The following SUN3 variants were observed in gnomAD, a reference collection of about 807,000 sequenced individuals.
SUN3 encodes Sad1 and UNC84 domain containing 3.
In SUN3, 36 loss-of-function variants were observed where a neutral mutation model predicts 48.2. The ratio of observed to expected loss-of-function variants is 0.75; its 90% confidence interval spans 0.57 to 0.99. The LOEUF is 0.99. Ranked by LOEUF, SUN3 falls within the 50% of genes least tolerant of loss-of-function variation. The pLI is 0.00. For synonymous variants in SUN3, 148 were observed against 147.9 expected, an observed-to-expected ratio of 1.00 and a Z score of 0.00; for missense variants, 419 against 433.1, an observed-to-expected ratio of 0.97 and a Z score of 0.29.
chr7:47,999,247 C>G (rs957478944), intron 6 of SUN3, among the ~76,000 whole-genome samples: 1 of 152,040 alleles, frequency 6.6e-6, no homozygotes, highest in African/African-American at 2.4e-5. Context: ...ATGTTTTTTA[C>G]TGCATTTATG....
intron 2 of SUN3, among the ~76,000 whole-genome samples, chr7:48,022,776 C>T (rs1182157475): frequency 6.6e-6 from 1 of 151,916 alleles, no homozygotes; most frequent in Non-Finnish European, 1.5e-5. Flanking sequence ...AGAAAGAGAG[C>T]AATGCCTTGT....
rs989017529 is a variant in SUN3, at chr7:48,028,973, G to A, written c.-35C>T. 1.2e-6 allele frequency: 2 copies of A among 1,612,894 alleles called. No homozygotes were observed. The highest frequency in any genetic ancestry group is 2.7e-5 in the African/African-American group (2 of 74,896). On this transcript the variant is annotated 5_prime_UTR_variant, in exon 1 of 10. Transcript: ENST00000297325. ...CCAAAGAACAAACAGCTGGTAGGAT[G>A]AAGAGCAACATTTGTCCTCATTCCT... is the stretch of plus-strand genomic sequence containing the variant.
At chr7:48,009,333 T>C (rs1789618618) in intron 3 of SUN3, among the ~76,000 whole-genome samples, 1 of 152,116 alleles carries the variant, frequency 6.6e-6, no homozygotes, top group East Asian at 1.9e-4. Context: ...GATGGGCACA[T>C]CATTTCCTAT....
upstream of SUN3, chr7:48,029,217 C>T: frequency 2.6e-6 from 1 of 388,700 alleles, no homozygotes; most frequent in Non-Finnish European, 4.7e-6. Context: ...CCTAATTGTA[C>T]CATATGTCAC....
intron 2 of SUN3, among the ~76,000 whole-genome samples, chr7:48,022,667 T>C (rs1001398753): frequency 2.0e-5 from 3 of 151,908 alleles, no homozygotes; most frequent in Non-Finnish European, 4.4e-5. Context: ...TCCAAGAAAC[T>C]CAACAAACTT....
At chr7:48,015,865 TTC>T (rs1789797051) in intron 3 of SUN3, among the ~76,000 whole-genome samples, 1 of 152,194 alleles carries the variant, frequency 6.6e-6, no homozygotes, top group African/African-American at 2.4e-5. Context: ...AGGAATTCAG[TTC>T]ATGGTTTGAC....
intron 6 of SUN3, among the ~76,000 whole-genome samples, chr7:48,002,242 C>T (rs1392053179): frequency 3.0e-5 from 4 of 134,052 alleles, no homozygotes; most frequent in Admixed American, 7.6e-5. Flanking sequence ...TCACTGCAAG[C>T]TCCGCCTCCC....
chr7:48,006,309 G>A (rs55946967), intron 5 of SUN3, among the ~76,000 whole-genome samples: 371 of 152,202 alleles, frequency 2.4e-3, no homozygotes, highest in African/African-American at 8.6e-3. Flanking sequence ...ACACAGCACC[G>A]TGGACCTAGG....
intron 6 of SUN3, among the ~76,000 whole-genome samples, chr7:47,998,737 C>CT (rs1295980838): frequency 6.6e-6 from 1 of 151,840 alleles, no homozygotes; most frequent in African/African-American, 2.4e-5. Context: ...TGGGCCAAGG[C>CT]TTTTTTTTAT....
chr7:48,023,968 G>A (rs1482136416), intron 2 of SUN3, among the ~76,000 whole-genome samples: 2 of 152,142 alleles, frequency 1.3e-5, no homozygotes, highest in African/African-American at 4.8e-5. Flanking sequence ...CAGAGGACAA[G>A]ACATTCAAAG....
intron 2 of SUN3, among the ~76,000 whole-genome samples, chr7:48,024,864 T>C (rs1324197124): frequency 6.6e-6 from 1 of 152,164 alleles, no homozygotes; most frequent in East Asian, 1.9e-4. Flanking sequence ...ATGAGGAATC[T>C]GTCCTCATGA....
chr7:47,989,964 T>C (rs940300288), intron 8 of SUN3, among the ~76,000 whole-genome samples: 3 of 152,260 alleles, frequency 2.0e-5, no homozygotes, highest in African/African-American at 7.2e-5. Context: ...CACAAAACAC[T>C]GCGGAAGGCC....
intron 6 of SUN3, chr7:48,000,237 A>G (rs1267473153): frequency 1.3e-5 from 2 of 152,278 alleles, no homozygotes; most frequent in Non-Finnish European, 2.9e-5. Flanking sequence ...TCCTGGGTTG[A>G]AGCTATTCTC....
intron 8 of SUN3, among the ~76,000 whole-genome samples, chr7:47,989,967 G>A (rs1037464744): frequency 2.8e-4 from 42 of 152,198 alleles, no homozygotes; most frequent in African/African-American, 9.9e-4. Context: ...AAAACACTGC[G>A]GAAGGCCGCA....
chr7:48,008,965 T>C, intron 4 of SUN3, 70 bp downstream of exon 4: 1 of 1,475,318 alleles, frequency 6.8e-7, no homozygotes, highest in Middle Eastern at 2.0e-4. Flanking sequence ...TCTTATACTT[T>C]TCTGTACGAA....
rs570962758 is a variant in SUN3, at chr7:48,007,601, C to T, written c.330-274G>A. 5.3e-5 allele frequency among the ~76,000 whole-genome samples: 8 copies of T among 152,278 alleles called. No individual in the cohort carries two copies. In the East Asian group the frequency reaches 1.5e-3, roughly 29 times the overall value. On this transcript the variant is annotated intron_variant, in intron 4 of 9. Coordinates refer to ENST00000297325, the MANE Select transcript of SUN3 (RefSeq NM_001030019.2). ...CAAGGCTCAATCAATCTTGCTGGTC[C>T]CCCAGCTGGGTAACGTCACACAGGT...
intron 5 of SUN3, among the ~76,000 whole-genome samples, chr7:48,006,690 G>A (rs760082259): frequency 1.3e-4 from 20 of 152,138 alleles, no homozygotes; most frequent in Non-Finnish European, 2.2e-4. Context: ...AGATTGCTGC[G>A]CATTTCAAAA....
chr7:48,003,870 C>A (rs546718975), intron 6 of SUN3, among the ~76,000 whole-genome samples: 8 of 152,064 alleles, frequency 5.3e-5, no homozygotes, highest in Admixed American at 4.6e-4. Context: ...AGTTTGACTT[C>A]CTCTCTTCCT....
intron 6 of SUN3, among the ~76,000 whole-genome samples, chr7:48,005,669 C>G (rs918829840): frequency 6.6e-6 from 1 of 151,836 alleles, no homozygotes; most frequent in Admixed American, 6.6e-5. Context: ...TATAATAATA[C>G]AAAATGTCCT....
Sources: allele counts gnomAD v4.1 joint callset (sites outside exome capture counted in the v4.1 genomes callset), GRCh38; gene constraint gnomAD v4.1.1; transcripts MANE v1.5; gene names NCBI Gene and HGNC (gene_info 2026-07-23, HGNC 2026-07-21).